Variants in ANKRD45 observed in about 807,000 individuals in gnomAD.
The protein encoded by ANKRD45 is ankyrin repeat domain 45, also known as ankyrin repeat domain-containing protein 45.
In ANKRD45, 21 loss-of-function variants were observed where a neutral mutation model predicts 28.1. The ratio of observed to expected loss-of-function variants is 0.75; its 90% CI spans 0.53 to 1.08. ANKRD45 has a LOEUF of 1.08. Among genes scored for constraint, ANKRD45 ranks in the 50% least tolerant of loss-of-function variants. The pLI, the probability that ANKRD45 is intolerant of heterozygous loss-of-function variation, is 0.00. For missense variants in ANKRD45, 261 were observed against 308.7 expected (o/e 0.85, Z 1.16); for synonymous variants, 86 against 103.9 (o/e 0.83, Z 1.05).
chr1:173,635,365 G>C (rs1489972172), intron 3 of ANKRD45: 1 of 617,696 alleles, frequency 1.6e-6, no homozygotes, highest in South Asian at 2.2e-5. Context: ...AAGGTTATAT[G>C]AAGTGCTTTT....
the ANKRD45 span, among the ~76,000 whole-genome samples, chr1:173,707,558 G>A: frequency 6.6e-6 from 1 of 151,942 alleles, no homozygotes; most frequent in Non-Finnish European, 1.5e-5. Context: ...GTCTTGAACT[G>A]CTGACCTCAA....
chr1:173,667,302 G>T (rs1670065806), intron 1 of ANKRD45, among the ~76,000 whole-genome samples: 1 of 152,158 alleles, frequency 6.6e-6, no homozygotes. Context: ...TATCAAGCAT[G>T]GGTAAAAGAT....
chr1:173,613,635 C>T (rs1341584968), intron 5 of ANKRD45, among the ~76,000 whole-genome samples: 1 of 150,108 alleles, frequency 6.7e-6, no homozygotes, highest in Admixed American at 6.6e-5. Flanking sequence ...GCTGCCCCGT[C>T]CGGGAGGGAG....
intron 5 of ANKRD45, among the ~76,000 whole-genome samples, chr1:173,612,074 T>C (rs1427539577): frequency 6.6e-6 from 1 of 151,962 alleles, no homozygotes; most frequent in African/African-American, 2.4e-5. Flanking sequence ...CAAAACCCTG[T>C]CTCTACAAAA....
intron 2 of ANKRD45, among the ~76,000 whole-genome samples, chr1:173,652,671 G>A (rs1669288757): frequency 6.6e-6 from 1 of 152,176 alleles, no homozygotes; most frequent in African/African-American, 2.4e-5. Context: ...AGAAGGAATA[G>A]TACCAGCTCC....
At chr1:173,619,891 AC>A (rs1316546580) in intron 5 of ANKRD45, among the ~76,000 whole-genome samples, 2 of 152,166 alleles carry the variant, frequency 1.3e-5, no homozygotes, top group African/African-American at 4.8e-5. Flanking sequence ...GTTCAATTCA[AC>A]AAGAAGAGCT....
chr1:173,702,628 G>A, the ANKRD45 span, among the ~76,000 whole-genome samples: 1 of 151,916 alleles, frequency 6.6e-6, no homozygotes, highest in Admixed American at 6.6e-5. Flanking sequence ...TAGGGGGTAA[G>A]TGCCATGATG....
chr1:173,711,443 T>C, the ANKRD45 span, among the ~76,000 whole-genome samples: 2 of 152,192 alleles, frequency 1.3e-5, no homozygotes, highest in Admixed American at 1.3e-4. Flanking sequence ...TTCCAGGTCA[T>C]AGGTAGATAA....
the ANKRD45 span, among the ~76,000 whole-genome samples, chr1:173,700,473 G>A: frequency 5.3e-5 from 8 of 152,100 alleles, no homozygotes; most frequent in African/African-American, 1.9e-4. Flanking sequence ...CCAAAACAGA[G>A]ATATAGACCA....
chr1:173,692,311 T>C, the ANKRD45 span, among the ~76,000 whole-genome samples: 22 of 152,268 alleles, frequency 1.4e-4, no homozygotes, highest in African/African-American at 4.6e-4. Context: ...AATCAACATA[T>C]GTAAGATGAA....
intron 5 of ANKRD45, among the ~76,000 whole-genome samples, chr1:173,613,134 C>A (rs1024182367): frequency 4.0e-5 from 6 of 151,794 alleles, no homozygotes; most frequent in Admixed American, 3.3e-4. Flanking sequence ...GCCATCCTGT[C>A]TAGGAAGTGA....
chr1:173,690,754 G>GT, the ANKRD45 span, among the ~76,000 whole-genome samples: 1 of 152,080 alleles, frequency 6.6e-6, no homozygotes, highest in Non-Finnish European at 1.5e-5. Context: ...GAATATCTTC[G>GT]TTACCATCTT....
At position 173,659,100 on chromosome 1, in the gene ANKRD45, T is replaced by A. The variant is rs772678469; in HGVS notation, c.319A>T (p.Thr107Ser). 3.1e-6 allele frequency: 5 copies of A among 1,612,872 alleles called. No individual in the cohort carries two copies. The South Asian group carries it at 4.4e-5, about 14-fold the overall frequency. ...AKYGVNLNEK[T>S]TRGYTLLHCA... Reference sequence around the variant, plus strand: ...AAAAAAGACAAAATACCTCTGGTGGTTTTTTCATTCAGATTCACACCATAT... The same window carrying A: ...AAAAAAGACAAAATACCTCTGGTGGATTTTTCATTCAGATTCACACCATAT... Residue 107 changes from threonine (T) to serine (S), a missense_variant, in exon 2 of 6, where the codon ACC becomes TCC. Transcript: ENST00000333279.
chr1:173,624,634 G>A (rs1408549628), intron 5 of ANKRD45, among the ~76,000 whole-genome samples, 153 bp downstream of exon 5: 1 of 152,132 alleles, frequency 6.6e-6, no homozygotes, highest in Non-Finnish European at 1.5e-5. Context: ...TGCAAATAAT[G>A]AAACTAGGGA....
chr1:173,647,088 T>C (rs1398936837), intron 2 of ANKRD45, 75 bp from the exon 3 acceptor site: 18 of 1,407,508 alleles, frequency 1.3e-5, no homozygotes, highest in Middle Eastern at 3.6e-4. Context: ...TGGAAGATCA[T>C]AATGGTGATC....
chr1:173,713,067 C>T, the ANKRD45 span, among the ~76,000 whole-genome samples: 2 of 152,158 alleles, frequency 1.3e-5, no homozygotes, highest in African/African-American at 2.4e-5. Context: ...CAAAAGAATA[C>T]ATATGCTTTG....
At chr1:173,610,326 AACCAGCT>A in intron 5 of ANKRD45, 111 bp from the exon 6 acceptor site, 1 of 981,400 alleles carries the variant, frequency 1.0e-6, no homozygotes. Context: ...TCCCAGGCTG[AACCAGCT>A]ACTAATTCAA....
intron 1 of ANKRD45, among the ~76,000 whole-genome samples, chr1:173,667,513 C>T (rs1670074091): frequency 6.6e-6 from 1 of 151,912 alleles, no homozygotes. Context: ...ACCAGCCTGG[C>T]CAATATGGTG....
chr1:173,615,202 T>C (rs1667408480), intron 5 of ANKRD45, among the ~76,000 whole-genome samples: 1 of 151,696 alleles, frequency 6.6e-6, no homozygotes, highest in Non-Finnish European at 1.5e-5. Context: ...CTGGCCAACA[T>C]GGCGAAACCC....
Sources: allele counts gnomAD v4.1 joint callset (sites outside exome capture counted in the v4.1 genomes callset), GRCh38; gene constraint gnomAD v4.1.1; transcripts MANE v1.5; gene names NCBI Gene and HGNC (gene_info 2026-07-23, HGNC 2026-07-21).